Variants in CTCFL observed in about 807,000 individuals in gnomAD.
CTCFL encodes the protein CCCTC-binding factor like.
In CTCFL, 36 loss-of-function variants were observed where a neutral mutation model predicts 67.4. The observed-to-expected ratio is 0.53, with a 90% CI of 0.41 to 0.71. The LOEUF is 0.71. Among genes scored for constraint, CTCFL ranks in the 30% least tolerant of loss-of-function variants. The pLI, the probability that CTCFL is intolerant of heterozygous loss-of-function variation, is 0.00. For missense variants in CTCFL, 786 were observed against 835.2 expected, an observed-to-expected ratio of 0.94 and a Z score of 0.73; for synonymous variants, 324 against 302.3, an observed-to-expected ratio of 1.07 and a Z score of -0.75.
intron 7 of CTCFL, chr20:57,513,741 T>C (rs1389611536): frequency 8.2e-7 from 1 of 1,214,738 alleles, no homozygotes; most frequent in East Asian, 6.0e-5. Flanking sequence ...TTCAAAAAAA[T>C]TCATCTCATC....
chr20:57,503,340 T>C, intron 10 of CTCFL, 96 bp downstream of exon 10: 1 of 1,449,296 alleles, frequency 6.9e-7, no homozygotes. Context: ...ATAGGGGCTC[T>C]GGACACATCC....
chr20:57,507,956 T>C (rs934268120), intron 9 of CTCFL: 2 of 660,064 alleles, frequency 3.0e-6, no homozygotes, highest in Non-Finnish European at 5.5e-6. Context: ...AAAAAAGTTA[T>C]TTTAGAGACA....
intron 8 of CTCFL, among the ~76,000 whole-genome samples, chr20:57,511,985 C>T (rs2068595563): frequency 6.6e-6 from 1 of 152,188 alleles, no homozygotes; most frequent in Non-Finnish European, 1.5e-5. Context: ...GTGAAAATGA[C>T]ATTCACTGAG....
chr20:57,497,387 G>A lies in CTCFL; in HGVS notation c.*1163C>T. On this transcript the variant is annotated 3_prime_UTR_variant, in exon 11 of 11. Transcript: ENST00000243914. ...TATTTCCACATATTCACATTGTATA[G>A]GGATTCTGAACTTGTGATATTTTCA... The A allele has an allele frequency of 2.0e-6, 2 of 984,814 alleles. No individual in the cohort carries two copies. Among genetic ancestry groups the A allele is most frequent in the Non-Finnish European group, 2.4e-6 (2 of 829,424 alleles). 61.0% of individuals were successfully genotyped at this position (984,814 alleles called of 1,614,324 possible).
downstream of CTCFL, among the ~76,000 whole-genome samples, chr20:57,496,695 T>G (rs1053082242): frequency 2.6e-5 from 4 of 152,226 alleles, no homozygotes; most frequent in African/African-American, 4.8e-5. Context: ...TAAGATCATA[T>G]AATACTTGTC....
chr20:57,514,124 T>C (rs1010834923), intron 7 of CTCFL, among the ~76,000 whole-genome samples: 1 of 152,212 alleles, frequency 6.6e-6, no homozygotes, highest in Non-Finnish European at 1.5e-5. Context: ...CTGTGTCTTT[T>C]GAAACTTCTG....
At chr20:57,502,353 T>C (rs1321105821) in intron 10 of CTCFL, among the ~76,000 whole-genome samples, 2 of 152,016 alleles carry the variant, frequency 1.3e-5, no homozygotes, top group African/African-American at 4.8e-5. Context: ...ATGATGAACA[T>C]TTTTTTTAGT....
chr20:57,524,289 C>T (rs2146481628), intron 1 of CTCFL, 73 bp from the exon 2 acceptor site: 1 of 1,529,358 alleles, frequency 6.5e-7, no homozygotes, highest in East Asian at 2.2e-5. Context: ...GCGGGGGGTG[C>T]TGGAACCTAG....
Position 57,515,818 on chromosome 20 carries a change from C to T in CTCFL, c.1076G>A (p.Arg359His), listed in dbSNP as rs776925982. ...YASVEASKLK[R>H]HVRSHTGERP... Reference sequence around the variant, plus strand: ...CTCCCCAGTGTGGGATCGGACATGGCGCTTCAATTTACTTGCCTAATAAAT... The same window carrying T: ...CTCCCCAGTGTGGGATCGGACATGGTGCTTCAATTTACTTGCCTAATAAAT... Residue 359 changes from arginine to histidine, a missense_variant, in exon 6 of 11, where the codon CGC becomes CAC. Physicochemically the swap from Arg to His is conservative, Grantham distance 29. Transcript: ENST00000243914. 8 of 1,608,974 alleles carry T rather than the reference C, an allele frequency of 5.0e-6. No homozygotes were observed. Among genetic ancestry groups the T allele is most frequent in the African/African-American group, 1.3e-5 (1 of 74,604 alleles).
chr20:57,507,787 G>A, intron 9 of CTCFL: 1 of 703,046 alleles, frequency 1.4e-6, no homozygotes, highest in South Asian at 1.5e-5. Context: ...TCCCAACCCA[G>A]AGAATCTGTC....
chr20:57,518,659 C>T (rs1264549153), intron 5 of CTCFL, 99 bp downstream of exon 5: 1 of 1,598,496 alleles, frequency 6.3e-7, no homozygotes, highest in Non-Finnish European at 8.6e-7. Context: ...AATAAAAAGC[C>T]TGTTTGTAAC....
At chr20:57,507,903 T>C (rs979264609) in intron 9 of CTCFL, 1 of 702,416 alleles carries the variant, frequency 1.4e-6, no homozygotes, top group Non-Finnish European at 2.6e-6. Context: ...ATAAATGTAT[T>C]GCTTAGTCCA....
Position 57,497,970 on chromosome 20 carries a change from T to C in CTCFL, c.*580A>G. Reference sequence around the variant, plus strand: ...TTTTCCTTTTTATAAGAGTAAAACATTTTTTGGTTGAATTTAGAACTAATT... The same window carrying C: ...TTTTCCTTTTTATAAGAGTAAAACACTTTTTGGTTGAATTTAGAACTAATT... On this transcript the variant is annotated 3_prime_UTR_variant, in exon 11 of 11. Transcript: ENST00000243914. The C allele has an allele frequency of 1.1e-6, 1 of 928,778 alleles. No individual in the cohort carries two copies. Among genetic ancestry groups the C allele is most frequent in the Non-Finnish European group, 1.3e-6 (1 of 779,294 alleles). The allele number at this position is 928,778 out of a possible 1,614,324, so 57.5% of individuals were successfully genotyped here. A position where few individuals can be genotyped will look rare whatever the true frequency, so the allele number is the denominator to read the frequency against.
In CTCFL at chr20:57,523,758, C is replaced by A; in HGVS notation, c.448G>T (p.Val150Leu). 1 of 1,613,418 alleles carries A rather than the reference C, an allele frequency of 6.2e-7. No homozygotes were observed. Among genetic ancestry groups the A allele is most frequent in the Non-Finnish European group, 8.5e-7 (1 of 1,180,038 alleles). The change falls in exon 2 of 11, where the codon GTG becomes TTG. Residue 150 changes from valine to leucine, a missense_variant. Around this residue, in one of 3 missense-constraint regions of CTCFL, gnomAD observed 333 missense variants for 304.6 expected, o/e 1.09. Coordinates refer to ENST00000243914, the MANE Select transcript of CTCFL (RefSeq NM_001386993.1). ...TCCTCTAGAGCGTGGAACTGCAACA[C>A]CTCCATCTCTTGCGGGGAGTACAGC... The part of the protein sequence containing the change: ...QELYSPQEME[V>L]LQFHALEENV...
rs530048324 is a variant in CTCFL, at chr20:57,504,056, A to C, written c.1675-455T>G. On this transcript the variant is annotated intron_variant, in intron 9 of 10. Transcript: ENST00000243914. ...CAGTGGCGCCATCTCGGCTCACTGCAAGCTCCGCCTCCTGGGTTCACGTCA... is the reference window on the plus strand; with the variant it reads ...CAGTGGCGCCATCTCGGCTCACTGCCAGCTCCGCCTCCTGGGTTCACGTCA... Among the ~76,000 whole-genome samples, 4 of 152,204 alleles carry C rather than the reference A, an allele frequency of 2.6e-5. No individual in the cohort carries two copies. The South Asian group carries it at 8.3e-4, about 32-fold the overall frequency.
chr20:57,510,658 T>C (rs2068490757), intron 8 of CTCFL, among the ~76,000 whole-genome samples: 1 of 152,094 alleles, frequency 6.6e-6, no homozygotes, highest in East Asian at 1.9e-4. Context: ...GGTCAGGAGA[T>C]CGAGACCATC....
At chr20:57,516,564 G>T (rs1490296483) in intron 5 of CTCFL, among the ~76,000 whole-genome samples, 4 of 151,926 alleles carry the variant, frequency 2.6e-5, no homozygotes, top group Non-Finnish European at 2.9e-5. Flanking sequence ...AAATAAAAAC[G>T]AAACCCTAGC....
At chr20:57,513,602 G>A (rs753581635) in intron 7 of CTCFL, 111 of 1,134,274 alleles carry the variant, frequency 9.8e-5, no homozygotes, top group Non-Finnish European at 1.2e-4. Flanking sequence ...GGCTAGACTT[G>A]TGCCCCACCA....
At chr20:57,497,120 G>A (rs544661321), downstream of CTCFL, 68 of 470,174 alleles carry the variant, frequency 1.4e-4, no homozygotes, top group African/African-American at 5.8e-4. Context: ...ATTCTCTCCA[G>A]ACAAAGAAGA....
Sources: gnomAD v4.1 joint callset for allele counts (sites outside exome capture counted in the v4.1 genomes callset) on GRCh38, gnomAD v4.1.1 for gene constraint, gnomAD v4.1.1 regional missense constraint, MANE v1.5 for transcripts, NCBI Gene and HGNC (gene_info 2026-07-23, HGNC 2026-07-21) for gene names.